RUNX2: variants seen among roughly 807,000 people sequenced by gnomAD.
The protein encoded by RUNX2 is RUNX family transcription factor 2.
A neutral mutation model predicts 51.7 loss-of-function variants in RUNX2; 10 were observed. The observed-to-expected ratio is 0.19, with a 90% CI of 0.12 to 0.33. The LOEUF (loss-of-function observed/expected upper bound fraction) is 0.33, where lower values mean the gene tolerates loss of function less well. Ranked by LOEUF, RUNX2 falls within the 10% of genes least tolerant of loss-of-function variation. The probability of loss-of-function intolerance (pLI) is 1.00; values close to 1 mark genes in which losing one functional copy is unlikely to be tolerated. For missense variants in RUNX2, 562 were observed against 691.3 expected (o/e 0.81, Z 2.10); for synonymous variants, 276 against 273.6 (o/e 1.01, Z -0.09).
At chr6:45,438,277 C>T (rs1798746962) in intron 5 of RUNX2, among the ~76,000 whole-genome samples, 2 of 152,090 alleles carry the variant, frequency 1.3e-5, no homozygotes, top group African/African-American at 2.4e-5. Context: ...GCCTCCGTAG[C>T]TTTGGGAAAT....
intron 7 of RUNX2, among the ~76,000 whole-genome samples, chr6:45,520,326 T>C (rs1248964418): frequency 6.6e-6 from 1 of 152,214 alleles, no homozygotes; most frequent in Non-Finnish European, 1.5e-5. Context: ...GTATCTTGGG[T>C]GCATTTTTAA....
intron 5 of RUNX2, among the ~76,000 whole-genome samples, chr6:45,480,994 A>G (rs1016337658): frequency 1.3e-5 from 2 of 152,208 alleles, no homozygotes; most frequent in Admixed American, 6.5e-5. Flanking sequence ...ATTGAGAATG[A>G]TGTTCTGCTG....
In RUNX2 at chr6:45,382,605, A is replaced by C. The variant is rs146699575; in HGVS notation, c.59-39988A>C. Among the ~76,000 whole-genome samples the C allele has an allele frequency of 2.1e-3, 325 of 152,356 alleles. 1 individual carries two copies. Among genetic ancestry groups the C allele is most frequent in the African/African-American group, 7.5e-3 (311 of 41,594 alleles). On this transcript the variant is annotated intron_variant, in intron 2 of 8. Transcript: ENST00000647337. ...GGTCTGGTAAGTTGAAGCAACTGCC[A>C]GGAGGCCACTGTAGCTAAAGAAGAG...
intron 5 of RUNX2, among the ~76,000 whole-genome samples, chr6:45,471,570 C>G (rs2790095): frequency 0.28 from 42,161 of 151,462 alleles, 6,431 homozygotes; most frequent in Non-Finnish European, 0.35. Flanking sequence ...TCAGCCTCCC[C>G]AGCAGCTGGG....
chr6:45,521,592 T>C (rs1428398214), intron 7 of RUNX2, among the ~76,000 whole-genome samples: 1 of 152,238 alleles, frequency 6.6e-6, no homozygotes, highest in Admixed American at 6.5e-5. Context: ...TGTTAACTAA[T>C]CTGTAAACTG....
intron 2 of RUNX2, among the ~76,000 whole-genome samples, chr6:45,418,519 A>G (rs1431213812): frequency 6.6e-6 from 1 of 152,252 alleles, no homozygotes; most frequent in African/African-American, 2.4e-5. Context: ...ATTTTGACGT[A>G]GAAAATCTAA....
At position 45,547,429 on chromosome 6, in the gene RUNX2, A is replaced by C. The variant is rs1802436795; in HGVS notation, c.*124A>C. ...GCTATCTACAAAGTGCCTATTTTTT[A>C]GAAGATTTTTCATTCACTCACTCAG... On this transcript the variant is annotated 3_prime_UTR_variant, in exon 9 of 9. Transcript: ENST00000647337. 1.2e-6 allele frequency: 1 copy of C among 848,682 alleles called. No individual in the cohort carries two copies. The highest frequency in any genetic ancestry group is 2.0e-6 in the Non-Finnish European group (1 of 512,190). The allele number at this position is 848,682 out of a possible 1,614,324, so 52.6% of individuals were successfully genotyped here. A position where few individuals can be genotyped will look rare whatever the true frequency, so the allele number is the denominator to read the frequency against.
At chr6:45,384,782 A>G (rs1797316144) in intron 2 of RUNX2, among the ~76,000 whole-genome samples, 1 of 142,396 alleles carries the variant, frequency 7.0e-6, no homozygotes, top group Non-Finnish European at 1.5e-5. Flanking sequence ...CAGTGGCACA[A>G]TCATAGCTCA....
intron 2 of RUNX2, among the ~76,000 whole-genome samples, chr6:45,420,093 A>T (rs1798146775): frequency 6.6e-6 from 1 of 152,012 alleles, no homozygotes; most frequent in South Asian, 2.1e-4. Context: ...GTATCCCCTG[A>T]ACTCCATCCT....
At chr6:45,532,162 A>ATTTTTTTTTTTTTT (rs3055521) in intron 7 of RUNX2, among the ~76,000 whole-genome samples, 1 of 85,118 alleles carries the variant, frequency 1.2e-5, no homozygotes, top group Non-Finnish European at 2.2e-5. Context: ...GAAAACCTAG[A>ATTTTTTTTTTTTTT]TTTTTTTTTT....
intron 2 of RUNX2, among the ~76,000 whole-genome samples, chr6:45,387,398 C>CCA (rs1488551621): frequency 2.0e-5 from 3 of 152,298 alleles, no homozygotes; most frequent in African/African-American, 7.2e-5. Flanking sequence ...ACTCATCATT[C>CCA]CACACACATA....
intron 2 of RUNX2, among the ~76,000 whole-genome samples, chr6:45,413,761 C>A (rs1563074962): frequency 1.3e-5 from 2 of 151,946 alleles, no homozygotes; most frequent in Non-Finnish European, 2.9e-5. Flanking sequence ...GAAGAATATG[C>A]AGTGATTGCA....
At chr6:45,436,024 G>A (rs1443975116) in intron 4 of RUNX2, among the ~76,000 whole-genome samples, 2 of 151,984 alleles carry the variant, frequency 1.3e-5, no homozygotes, top group African/African-American at 4.8e-5. Context: ...TATTCTTCTG[G>A]TTAGTCTTAA....
chr6:45,441,165 A>G (rs1798830738), intron 5 of RUNX2, among the ~76,000 whole-genome samples: 1 of 152,166 alleles, frequency 6.6e-6, no homozygotes. Context: ...AAAGTAGTAT[A>G]CTTCTGTTTA....
At chr6:45,487,342 C>G (rs1800313924) in intron 5 of RUNX2, among the ~76,000 whole-genome samples, 1 of 152,114 alleles carries the variant, frequency 6.6e-6, no homozygotes, top group African/African-American at 2.4e-5. Flanking sequence ...GGCATGTCCC[C>G]TCTCAGGGAC....
intron 7 of RUNX2, among the ~76,000 whole-genome samples, chr6:45,544,142 G>T (rs1802318192): frequency 6.6e-6 from 1 of 151,932 alleles, no homozygotes; most frequent in Non-Finnish European, 1.5e-5. Flanking sequence ...TCAAGAAAGA[G>T]TCCATTCTCA....
rs1020142985 is a variant in RUNX2 at position 45,550,623 on chromosome 6, T to C, written c.*3318T>C. 2 of 152,690 alleles carry C rather than the reference T, an allele frequency of 1.3e-5. No homozygotes were observed. The highest frequency in any genetic ancestry group is 6.5e-5 in the Admixed American group (1 of 15,292). 9.5% of individuals were successfully genotyped at this position (152,690 alleles called of 1,614,324 possible). On this transcript the variant is annotated 3_prime_UTR_variant, in exon 9 of 9. Transcript: ENST00000647337. ...TTTAGAAAACGAATGCATTTAAAAATATTTTCTATGTGAGAATTTTTTAGA... is the reference window on the plus strand; with the variant it reads ...TTTAGAAAACGAATGCATTTAAAAACATTTTCTATGTGAGAATTTTTTAGA...
intron 2 of RUNX2, among the ~76,000 whole-genome samples, chr6:45,376,729 C>T (rs907470863): frequency 6.6e-6 from 1 of 152,218 alleles, no homozygotes; most frequent in Admixed American, 6.5e-5. Context: ...CTCTTTGAAA[C>T]ATTCACCAGA....
At chr6:45,390,778 G>A (rs1223773655) in intron 2 of RUNX2, among the ~76,000 whole-genome samples, 2 of 152,054 alleles carry the variant, frequency 1.3e-5, no homozygotes, top group Non-Finnish European at 2.9e-5. Flanking sequence ...ATAGAGATAT[G>A]AACATCACAG....
Sources: gnomAD v4.1 joint callset for allele counts (sites outside exome capture counted in the v4.1 genomes callset) on GRCh38, gnomAD v4.1.1 for gene constraint, MANE v1.5 for transcripts, NCBI Gene and HGNC (gene_info 2026-07-23, HGNC 2026-07-21) for gene names.